ASAP2: variants seen among roughly 807,000 people sequenced by gnomAD.
ASAP2 encodes arf-GAP with SH3 domain, ANK repeat and PH domain-containing protein 2.
ASAP2 carries 45 observed loss-of-function variants against 131.4 expected under a neutral mutation model. The ratio of observed to expected loss-of-function variants is 0.34; its 90% CI spans 0.27 to 0.44. The LOEUF (loss-of-function observed/expected upper bound fraction) is 0.44. Among genes scored for constraint, ASAP2 ranks in the 20% least tolerant of loss-of-function variants. The pLI is 1.00. For synonymous variants in ASAP2, 510 were observed against 503.0 expected (o/e 1.01, Z -0.19); for missense variants, 1,011 against 1,297.0 (o/e 0.78, Z 3.39).
intron 3 of ASAP2, among the ~76,000 whole-genome samples, chr2:9,317,732 A>G (rs553219388): frequency 6.7e-6 from 1 of 150,290 alleles, no homozygotes; most frequent in East Asian, 2.0e-4. Flanking sequence ...TCACATTCAC[A>G]CTCACATCCA....
At chr2:9,381,380 A>T (rs1674826842) in intron 20 of ASAP2, among the ~76,000 whole-genome samples, 1 of 152,224 alleles carries the variant, frequency 6.6e-6, no homozygotes, top group African/African-American at 2.4e-5. Flanking sequence ...ATACCAGTAT[A>T]TAAGGTTGTT....
At chr2:9,331,843 G>A (rs1047068157) in intron 7 of ASAP2, among the ~76,000 whole-genome samples, 1 of 152,074 alleles carries the variant, frequency 6.6e-6, no homozygotes, top group Non-Finnish European at 1.5e-5. Context: ...AATACCTGCT[G>A]GAAACCACTG....
intron 6 of ASAP2, 118 bp from the exon 7 acceptor site, chr2:9,327,708 A>C: frequency 1.5e-6 from 1 of 677,082 alleles, no homozygotes; most frequent in South Asian, 1.9e-5. Context: ...TCGATCATGC[A>C]CTCTACGCAT....
chr2:9,348,010 T>C (rs1672080883), intron 11 of ASAP2, among the ~76,000 whole-genome samples: 1 of 152,256 alleles, frequency 6.6e-6, no homozygotes, highest in African/African-American at 2.4e-5. Flanking sequence ...TCCCAAGTTT[T>C]CTACTAAACT....
At chr2:9,293,688 C>T (rs540280043) in intron 2 of ASAP2, among the ~76,000 whole-genome samples, 2 of 151,826 alleles carry the variant, frequency 1.3e-5, no homozygotes, top group South Asian at 2.1e-4. Context: ...TGGCTGTTGT[C>T]GTGGTGGGCA....
At chr2:9,368,544 A>C in intron 16 of ASAP2, 25 bp downstream of exon 16, 8 of 1,601,842 alleles carry the variant, frequency 5.0e-6, no homozygotes, top group Non-Finnish European at 6.8e-6. Context: ...GGCTATTCTC[A>C]TTTGCTGAGT....
chr2:9,315,083 C>T (rs1000107419), intron 3 of ASAP2, among the ~76,000 whole-genome samples: 4 of 151,938 alleles, frequency 2.6e-5, no homozygotes, highest in Admixed American at 6.6e-5. Context: ...ACGTTTCCGT[C>T]GAATAGAACA....
intron 24 of ASAP2, among the ~76,000 whole-genome samples, chr2:9,398,619 C>T (rs1572640513): frequency 6.6e-6 from 1 of 151,984 alleles, no homozygotes; most frequent in African/African-American, 2.4e-5. Context: ...ACCAGCCTGG[C>T]CCACATGGTG....
intron 1 of ASAP2, among the ~76,000 whole-genome samples, chr2:9,239,641 A>G (rs1236305386): frequency 2.0e-5 from 3 of 152,114 alleles, no homozygotes; most frequent in African/African-American, 7.2e-5. Context: ...AGCACCATTT[A>G]TGTGCCGGCC....
rs1243788575 is a variant in ASAP2, at chr2:9,217,613, G to GT, written c.126+10389dup. Among the ~76,000 whole-genome samples the GT allele has an allele frequency of 8.1e-6, 1 of 123,796 alleles. No homozygotes were observed. The highest frequency in any genetic ancestry group is 1.8e-5 in the Non-Finnish European group (1 of 56,184). The allele number at this position is 123,796 out of a possible 152,430, so 81.2% of individuals were successfully genotyped here. A position where few individuals can be genotyped will look rare whatever the true frequency, so the allele number is the denominator to read the frequency against. On this transcript the variant is annotated intron_variant, in intron 1 of 27. Coordinates refer to ENST00000281419, the MANE Select transcript of ASAP2 (RefSeq NM_003887.3). This position sits in a 1 kb window ranked among gnomAD's most constrained non-coding sequence, Gnocchi z 4.0. Reference sequence around the variant, plus strand: ...ATGTTCTTCTTAGAGGTATGTTTTTGTTTTTTGTTTTTTTTTTTGAGACGG... The same window carrying GT: ...ATGTTCTTCTTAGAGGTATGTTTTTGTTTTTTTGTTTTTTTTTTTGAGACGG...
intron 14 of ASAP2, 150 bp from the exon 15 acceptor site, chr2:9,358,606 G>A: frequency 2.1e-6 from 2 of 953,100 alleles, no homozygotes; most frequent in Non-Finnish European, 3.1e-6. Context: ...GTAAATTGGT[G>A]GTAATTATGG....
chr2:9,394,199 C>G (rs1032962151), intron 24 of ASAP2, among the ~76,000 whole-genome samples: 1 of 119,390 alleles, frequency 8.4e-6, no homozygotes, highest in African/African-American at 3.3e-5. Flanking sequence ...GAGTCTAGCT[C>G]TGTCACCCAG....
chr2:9,258,049 C>G (rs1300820167), intron 1 of ASAP2, among the ~76,000 whole-genome samples: 1 of 152,076 alleles, frequency 6.6e-6, no homozygotes, highest in African/African-American at 2.4e-5. Flanking sequence ...ACTGCTACCC[C>G]CACAACCAGT....
At chr2:9,220,324 C>T (rs1662326762) in intron 1 of ASAP2, among the ~76,000 whole-genome samples, 1 of 152,186 alleles carries the variant, frequency 6.6e-6, no homozygotes, top group Non-Finnish European at 1.5e-5. Flanking sequence ...AGAGGCTGCA[C>T]CACTTGACAT....
intron 3 of ASAP2, among the ~76,000 whole-genome samples, chr2:9,315,583 A>G (rs1315007944): frequency 6.6e-6 from 1 of 152,112 alleles, no homozygotes; most frequent in Non-Finnish European, 1.5e-5. Flanking sequence ...GCTGCCTGCA[A>G]GTAGAGGGAA....
Position 9,335,047 on chromosome 2 carries a change from G to A in ASAP2, c.763-46G>A, listed in dbSNP as rs1671109569. 4 of 1,584,410 alleles carry A rather than the reference G, an allele frequency of 2.5e-6. No homozygotes were observed. In the South Asian group the frequency reaches 4.4e-5, roughly 18 times the overall value. ...AGCACCAACGTTTCACTGTACCTCA[G>A]TCTTAATTTTCTGATTGGTTCTGTT... is the stretch of plus-strand genomic sequence containing the variant. On this transcript the variant is annotated intron_variant, in intron 8 of 27. Transcript: ENST00000281419.
At chr2:9,400,944 G>A (rs1056303531) in intron 26 of ASAP2, 114 bp downstream of exon 26, 168 of 1,133,922 alleles carry the variant, frequency 1.5e-4, no homozygotes, top group East Asian at 2.5e-4. Flanking sequence ...GGGGCAGGGC[G>A]GGGCTCTTCT....
intron 19 of ASAP2, 48 bp downstream of exon 19, chr2:9,379,107 C>T: frequency 7.4e-7 from 1 of 1,343,334 alleles, no homozygotes; most frequent in African/African-American, 1.5e-5. Flanking sequence ...ACCCTGGCCT[C>T]TGCCTCCTGT....
intron 3 of ASAP2, among the ~76,000 whole-genome samples, chr2:9,303,416 G>C (rs566465564): frequency 1.3e-5 from 2 of 152,246 alleles, no homozygotes; most frequent in Admixed American, 6.5e-5. Context: ...ACGATGCTGC[G>C]AGCTGAAGAG....
Sources: allele counts gnomAD v4.1 joint callset (sites outside exome capture counted in the v4.1 genomes callset), GRCh38; gene constraint gnomAD v4.1.1; non-coding constraint Gnocchi (gnomAD v3.1); transcripts MANE v1.5; gene names NCBI Gene and HGNC (gene_info 2026-07-23, HGNC 2026-07-21).